Variants in FAT1 observed in about 807,000 individuals in gnomAD.
The protein encoded by FAT1 is protocadherin Fat 1.
In FAT1, 171 loss-of-function variants were observed where a neutral mutation model predicts 329.8. The ratio of observed to expected loss-of-function variants is 0.52; its 90% CI spans 0.46 to 0.59. The LOEUF is 0.59. Among genes scored for constraint, FAT1 ranks in the 20% least tolerant of loss-of-function variants. FAT1 has a pLI of 0.00. For synonymous variants in FAT1, 2,233 were observed against 2,228.6 expected (o/e 1.00, Z -0.06); for missense variants, 5,672 against 5,774.4 (o/e 0.98, Z 0.57).
intron 26 of FAT1, among the ~76,000 whole-genome samples, chr4:186,593,737 C>T (rs1336929449): frequency 2.6e-5 from 4 of 152,134 alleles, no homozygotes; most frequent in African/African-American, 4.8e-5. Context: ...AGGTTCTTCC[C>T]TCGAGCTGCA....
At chr4:186,691,413 C>T (rs935013137) in intron 2 of FAT1, among the ~76,000 whole-genome samples, 2 of 152,218 alleles carry the variant, frequency 1.3e-5, no homozygotes, top group Non-Finnish European at 2.9e-5. Flanking sequence ...AAGTCACCAT[C>T]TCTACATTAG....
chr4:186,636,446 G>A lies in FAT1; in HGVS notation c.3972+139C>T, dbSNP rs328419. The A allele has an allele frequency of 0.11, 101,910 of 954,466 alleles. 6,075 individuals are homozygous for A. Among genetic ancestry groups the A allele is most frequent in the African/African-American group, 0.21 (12,903 of 60,570 alleles). 59.1% of individuals were successfully genotyped at this position (954,466 alleles called of 1,614,324 possible). A position where few individuals can be genotyped will look rare whatever the true frequency, so the allele number is the denominator to read the frequency against. The stretch of plus-strand genomic sequence containing the variant: ...GCACCCTGATTCTCAAACGTTATCC[G>A]GCATTGCCTAATGGGGCCAGCAGGT... On this transcript the variant is annotated intron_variant, in intron 5 of 26. Coordinates refer to ENST00000441802, the MANE Select transcript of FAT1 (RefSeq NM_005245.4).
intron 4 of FAT1, among the ~76,000 whole-genome samples, chr4:186,638,156 T>C (rs528102835): frequency 6.6e-6 from 1 of 152,208 alleles, no homozygotes; most frequent in African/African-American, 2.4e-5. Flanking sequence ...CTCTCAAATA[T>C]ACCACCCCAA....
chr4:186,663,512 T>A lies in FAT1; in HGVS notation c.3367A>T (p.Ile1123Leu). The A allele has an allele frequency of 6.2e-7, 1 of 1,614,022 alleles. No individual in the cohort carries two copies. Among genetic ancestry groups the A allele is most frequent in the Non-Finnish European group, 8.5e-7 (1 of 1,179,902 alleles). ...TCCTCAACCTCTATGTAGATCTCTA[T>A]GAACGATGAAAGAGGCACGACACCC... Reference protein sequence around the residue: ...DQGVVPLSSFIEIYIEVEDVN... With the variant: ...DQGVVPLSSFLEIYIEVEDVN... The change falls in exon 3 of 27, where the codon ATA becomes TTA. Residue 1123 changes from isoleucine (I) to leucine (L), a missense_variant. Physicochemically the swap from Ile to Leu is conservative, Grantham distance 5 (BLOSUM62 2). Around this residue, in one of 2 missense-constraint regions of FAT1, gnomAD observed 3,966 missense variants for 3,915.2 expected, o/e 1.01. Transcript: ENST00000441802.
chr4:186,686,811 A>G (rs558925350), intron 2 of FAT1, among the ~76,000 whole-genome samples: 1 of 152,332 alleles, frequency 6.6e-6, no homozygotes, highest in South Asian at 2.1e-4. Flanking sequence ...TGCTGATTAT[A>G]CACTATGGAC....
chr4:186,659,829 T>C (rs1377347024), intron 3 of FAT1, among the ~76,000 whole-genome samples: 1 of 146,320 alleles, frequency 6.8e-6, no homozygotes, highest in African/African-American at 2.6e-5. Flanking sequence ...CCCTGGGTGC[T>C]CCTGCACTCT....
chr4:186,700,960 C>T (rs1175030533), intron 2 of FAT1, among the ~76,000 whole-genome samples: 1 of 152,154 alleles, frequency 6.6e-6, no homozygotes, highest in African/African-American at 2.4e-5. Context: ...CTCCAGGTCC[C>T]GGCCCCTGCA....
intron 2 of FAT1, among the ~76,000 whole-genome samples, chr4:186,699,899 C>T (rs139490150): frequency 3.1e-4 from 47 of 152,264 alleles, no homozygotes; most frequent in Admixed American, 1.6e-3. Context: ...TAGTTGTACA[C>T]GGTAGGTAAT....
At chr4:186,639,683 T>A in intron 4 of FAT1, 39 bp downstream of exon 4, 2 of 1,345,938 alleles carry the variant, frequency 1.5e-6, no homozygotes, top group Non-Finnish European at 2.1e-6. Context: ...TACTTGTAAC[T>A]ACGAATCTTT....
Position 186,614,303 on chromosome 4 carries a change from T to C in FAT1, c.9117A>G (p.Gly3039=). 1 of 1,584,200 alleles carries C rather than the reference T, an allele frequency of 6.3e-7. No individual in the cohort carries two copies. Among genetic ancestry groups the C allele is most frequent in the South Asian group, 1.2e-5 (1 of 84,618 alleles). ...SDTIPEDVLP[G]KLIMQISATD... is the part of the protein sequence containing the mutation. ...TAGCAGAGATCTGCATGATCAATTT[T>C]CCAGGAAGGACGTCTTCAGGAATAG... Residue 3039 remains glycine, a synonymous_variant, in exon 12 of 27, where the codon GGA becomes GGG. Transcript: ENST00000441802.
At chr4:186,664,291 C>T (rs752377020) in intron 2 of FAT1, among the ~76,000 whole-genome samples, 2 of 152,094 alleles carry the variant, frequency 1.3e-5, no homozygotes, top group Non-Finnish European at 2.9e-5. Flanking sequence ...TTCTTTCAAT[C>T]GCCTCAAACA....
rs1738072953 is a variant in FAT1 at position 186,588,691 on chromosome 4, C to T, written c.13668G>A (p.Glu4556=). The T allele has an allele frequency of 6.2e-7, 1 of 1,613,846 alleles. No homozygotes were observed. The highest frequency in any genetic ancestry group is 1.7e-5 in the Admixed American group (1 of 60,000). The stretch of plus-strand genomic sequence containing the variant: ...CATAGTCACTCATCATGACCTCGGA[C>T]TCCACTTCGCAGCAGGCTGACACGT... ...CSDVSACCEV[E]SEVMMSDYES... is the part of the protein sequence containing the mutation. Residue 4556 remains glutamate (E), a synonymous_variant, in exon 27 of 27, where the codon GAG becomes GAA. Coordinates refer to ENST00000441802, the MANE Select transcript of FAT1 (RefSeq NM_005245.4).
rs1425219391 is a variant in FAT1, at chr4:186,618,218, C to T, written c.8368G>A (p.Val2790Met). 6.2e-7 allele frequency: 1 copy of T among 1,614,042 alleles called. No individual in the cohort carries two copies. The highest frequency in any genetic ancestry group is 1.7e-5 in the Admixed American group (1 of 60,024). Residue 2790 changes from valine to methionine, a missense_variant, in exon 10 of 27, where the codon GTG (valine) becomes ATG (methionine). By Grantham distance (21) the Val-to-Met change is conservative. Transcript: ENST00000441802. ...ARCTQDDHEM[V>M]ASVDVSIQVK... ...TGGATACTAACATCTACAGAAGCCA[C>T]CATCTCATGGTCATCTTGAGTGCAC...
rs2126509765 is a variant in FAT1, at chr4:186,619,849, G to A, written c.6737C>T (p.Ala2246Val). The A allele has an allele frequency of 6.2e-7, 1 of 1,613,988 alleles. No homozygotes were observed. Among genetic ancestry groups the A allele is most frequent in the Non-Finnish European group, 8.5e-7 (1 of 1,179,904 alleles). Residue 2246 changes from alanine (A) to valine (V), a missense_variant, in exon 10 of 27, where the codon GCC becomes GTC. By Grantham distance (64) the Ala-to-Val change is moderately conservative (BLOSUM62 0). Transcript: ENST00000441802. Reference sequence around the variant, plus strand: ...TATGCTCAGCTTATATGCCGGGTGGGCCTCAAAGTCCAGAGGAGCTATGAC... The same window carrying A: ...TATGCTCAGCTTATATGCCGGGTGGACCTCAAAGTCCAGAGGAGCTATGAC... ...INVIAPLDFE[A>V]HPAYKLSIRA...
At position 186,609,909 on chromosome 4, in the gene FAT1, A is replaced by G. The variant is rs1739322088; in HGVS notation, c.9960T>C (p.Thr3320=). The change falls in exon 15 of 27, where the codon ACT becomes ACC. Residue 3320 remains threonine (T), a synonymous_variant. Transcript: ENST00000441802. ...TGATATCTGTTACATTAACGTTCAC[A>G]GTGGCAACGTCGCTCAGTGAAGGCG... ...GGTPSLSDVA[T]VNVNVTDIND... 6.2e-7 allele frequency: 1 copy of G among 1,613,102 alleles called. No homozygotes were observed. The highest frequency in any genetic ancestry group is 8.5e-7 in the Non-Finnish European group (1 of 1,179,078).
chr4:186,631,760 C>T (rs1389378963), intron 7 of FAT1, among the ~76,000 whole-genome samples: 21 of 151,988 alleles, frequency 1.4e-4, no homozygotes, highest in Admixed American at 3.9e-4. Context: ...TCCATCCCCA[C>T]AGTATCCTAG....
At chr4:186,651,590 A>G (rs1232709716) in intron 3 of FAT1, among the ~76,000 whole-genome samples, 2 of 152,160 alleles carry the variant, frequency 1.3e-5, no homozygotes, top group Admixed American at 6.5e-5. Flanking sequence ...TAAGGACCTG[A>G]GCCAACACTG....
rs558006848 is a variant in FAT1 at position 186,648,459 on chromosome 4, A to G, written c.3581-8676T>C. Among the ~76,000 whole-genome samples the G allele has an allele frequency of 8.5e-5, 13 of 152,298 alleles. No individual in the cohort carries two copies. In the South Asian group the frequency reaches 1.2e-3, roughly 15 times the overall value. ...TAGAAATATTGAAGTGGCATATCCT[A>G]TATGACTTTTTCTAATGTTTTTGAG... is the stretch of plus-strand genomic sequence containing the variant. On this transcript the variant is annotated intron_variant, in intron 3 of 26. Transcript: ENST00000441802.
rs1350610418 is a variant in FAT1 at position 186,706,801 on chromosome 4, T to G, written c.3027A>C (p.Pro1009=). 6.2e-7 allele frequency: 1 copy of G among 1,614,006 alleles called. No homozygotes were observed. Among genetic ancestry groups the G allele is most frequent in the Non-Finnish European group, 8.5e-7 (1 of 1,179,898 alleles). The change falls in exon 2 of 27, where the codon CCA becomes CCC. Residue 1009 remains proline (P), a synonymous_variant. Transcript: ENST00000441802. ...LTVRAKDKGK[P]VSLSSTCYVE... ...CATAGCAAGTAGAAGACAGAGAAAC[T>G]GGCTTTCCCTTGTCTTTGGCCCTCA...
Sources: gnomAD v4.1 joint callset for allele counts (sites outside exome capture counted in the v4.1 genomes callset) on GRCh38, gnomAD v4.1.1 for gene constraint, gnomAD v4.1.1 regional missense constraint, MANE v1.5 for transcripts, NCBI Gene and HGNC (gene_info 2026-07-23, HGNC 2026-07-21) for gene names.